Variants in LIMK2 observed in about 807,000 individuals in gnomAD.
LIMK2 encodes LIM domain kinase 2.
LIMK2 carries 35 observed loss-of-function variants against 75.7 expected under a neutral mutation model. The observed-to-expected ratio is 0.46, with a 90% CI of 0.35 to 0.61. The LOEUF is 0.61. Ranked by LOEUF, LIMK2 falls within the 20% of genes least tolerant of loss-of-function variation. LIMK2 has a pLI of 0.00. For synonymous variants in LIMK2, 301 were observed against 319.2 expected, an observed-to-expected ratio of 0.94 and a Z score of 0.61; for missense variants, 623 against 831.0, an observed-to-expected ratio of 0.75 and a Z score of 3.08.
At chr22:31,242,471 C>A (rs1173005884) in intron 2 of LIMK2, among the ~76,000 whole-genome samples, 1 of 152,212 alleles carries the variant, frequency 6.6e-6, no homozygotes, top group Non-Finnish European at 1.5e-5. Flanking sequence ...AGATATTGCA[C>A]CCATTCTCCA....
chr22:31,245,873 T>TA (rs970667247), intron 2 of LIMK2, among the ~76,000 whole-genome samples: 20 of 148,862 alleles, frequency 1.3e-4, no homozygotes, highest in African/African-American at 2.7e-4. Context: ...CTACAAAAAA[T>TA]AAAAAAAAAT....
intron 7 of LIMK2, among the ~76,000 whole-genome samples, chr22:31,264,420 G>A (rs970553695): frequency 2.0e-4 from 31 of 152,340 alleles, no homozygotes; most frequent in African/African-American, 5.8e-4. Flanking sequence ...GAGAAAGTTC[G>A]CAGGGCTGTT....
At position 31,262,559 on chromosome 22, in the gene LIMK2, CAGCCTGTGGG is replaced by C. The variant is rs1568997854; in HGVS notation, c.658-32_658-23del. 3 of 1,574,724 alleles carry C rather than the reference CAGCCTGTGGG, an allele frequency of 1.9e-6. No individual in the cohort carries two copies. The highest frequency in any genetic ancestry group is 2.6e-6 in the Non-Finnish European group (3 of 1,154,580). ...TGGCCATGGGTGGCCTGGGATGGGG[CAGCCTGTGGG>C]AGCTTTATACTGCTCTTGGCCACAG... On this transcript the variant is annotated intron_variant, in intron 6 of 15. Coordinates refer to ENST00000331728, the MANE Select transcript of LIMK2 (RefSeq NM_005569.4). The surrounding 1 kb of genome is among the most constrained non-coding windows in gnomAD (Gnocchi z 5.0).
At chr22:31,225,380 T>G (rs2048469279) in intron 1 of LIMK2, among the ~76,000 whole-genome samples, 2 of 152,138 alleles carry the variant, frequency 1.3e-5, no homozygotes, top group Admixed American at 1.3e-4. Context: ...AGAAGGAGAT[T>G]GTGTTCGTTT....
At chr22:31,222,704 C>A (rs2048446026) in intron 1 of LIMK2, 2 of 151,922 alleles carry the variant, frequency 1.3e-5, no homozygotes, top group South Asian at 2.1e-4. Flanking sequence ...AGAAAAGGAT[C>A]CAGTGGTTTG....
chr22:31,248,758 A>G, intron 2 of LIMK2: 1 of 1,614,164 alleles, frequency 6.2e-7, no homozygotes, highest in Admixed American at 1.7e-5. Context: ...TCACCTCCAG[A>G]GACCTGTTTC....
intron 7 of LIMK2, among the ~76,000 whole-genome samples, chr22:31,265,191 CA>C (rs35356989): frequency 8.4e-4 from 29 of 34,496 alleles, no homozygotes; most frequent in Admixed American, 2.3e-3. Flanking sequence ...GAGACTCCAT[CA>C]AAAAAAAAAA....
At chr22:31,264,247 C>CAG (rs1262667266) in intron 7 of LIMK2, among the ~76,000 whole-genome samples, 1 of 152,114 alleles carries the variant, frequency 6.6e-6, no homozygotes, top group Non-Finnish European at 1.5e-5. Flanking sequence ...AGCCACCATG[C>CAG]AGAGGAGGGG....
At chr22:31,213,527 C>A (rs1214180395) in intron 1 of LIMK2, among the ~76,000 whole-genome samples, 2 of 152,206 alleles carry the variant, frequency 1.3e-5, no homozygotes. Flanking sequence ...CAGTGGGTCA[C>A]TTCCTCAGCA....
At position 31,279,593 on chromosome 22, in the gene LIMK2, A is replaced by G. The variant is rs1284946449; in HGVS notation, c.*1152A>G. 1 of 152,198 alleles carries G rather than the reference A, an allele frequency of 6.6e-6. No homozygotes were observed. Among genetic ancestry groups the G allele is most frequent in the Non-Finnish European group, 1.5e-5 (1 of 68,048 alleles). The allele number at this position is 152,198 out of a possible 1,614,324, so 9.4% of individuals were successfully genotyped here. ...TTAGCTCCTGGGCAGCATCCTCCTG[A>G]GCCACATGTGCAGGTACTGGAAAAC... On this transcript the variant is annotated 3_prime_UTR_variant, in exon 16 of 16. Coordinates refer to ENST00000331728, the MANE Select transcript of LIMK2 (RefSeq NM_005569.4).
intron 2 of LIMK2, among the ~76,000 whole-genome samples, chr22:31,252,277 T>G (rs985908648): frequency 6.6e-6 from 1 of 152,128 alleles, no homozygotes; most frequent in African/African-American, 2.4e-5. Context: ...GCTTGGTGGC[T>G]CCTTCCTGTA....
intron 2 of LIMK2, among the ~76,000 whole-genome samples, chr22:31,240,037 A>G (rs1005319164): frequency 6.6e-6 from 1 of 152,206 alleles, no homozygotes; most frequent in African/African-American, 2.4e-5. Context: ...CTGCAACTGT[A>G]GCAACCTGCT....
At chr22:31,254,467 C>T (rs945550491) in intron 2 of LIMK2, among the ~76,000 whole-genome samples, 3 of 152,208 alleles carry the variant, frequency 2.0e-5, no homozygotes, top group Non-Finnish European at 4.4e-5. Flanking sequence ...TTTGCTCTTC[C>T]AGGTCCTTTG....
At chr22:31,274,978 GT>G (rs2048998453) in intron 14 of LIMK2, among the ~76,000 whole-genome samples, 172 bp from the exon 15 acceptor site, 1 of 152,166 alleles carries the variant, frequency 6.6e-6, no homozygotes. Context: ...GTGGATACAG[GT>G]CTGGATTAGT....
chr22:31,250,491 G>A (rs1444980699), intron 2 of LIMK2, among the ~76,000 whole-genome samples: 2 of 152,136 alleles, frequency 1.3e-5, no homozygotes, highest in African/African-American at 4.8e-5. Context: ...AGGCTTTCTG[G>A]AGAACCTGAT....
At chr22:31,259,747 T>G in intron 4 of LIMK2, 142 bp from the exon 5 acceptor site, 1 of 684,476 alleles carries the variant, frequency 1.5e-6, no homozygotes. Flanking sequence ...CTCCTCATTC[T>G]GAGCAGCCAG....
At chr22:31,223,567 A>G (rs887950975) in intron 1 of LIMK2, among the ~76,000 whole-genome samples, 5 of 152,332 alleles carry the variant, frequency 3.3e-5, no homozygotes, top group Non-Finnish European at 7.4e-5. Context: ...AAGAGTTCCA[A>G]AAATATTTCC....
In LIMK2 at chr22:31,213,417, G is replaced by A. The variant is rs556536995; in HGVS notation, c.16+993G>A. On this transcript the variant is annotated intron_variant, in intron 1 of 15. Transcript: ENST00000331728. ...AGAAGCTTTGGAGAGGCGGCAAGAG[G>A]GTATTGAGGTGGAGGGGGGCTGGCT... Among the ~76,000 whole-genome samples, 10 of 152,302 alleles carry A rather than the reference G, an allele frequency of 6.6e-5. No homozygotes were observed. In the South Asian group the frequency reaches 1.7e-3, roughly 25 times the overall value.
At chr22:31,244,596 GA>G (rs1268185963) in intron 2 of LIMK2, among the ~76,000 whole-genome samples, 4 of 152,100 alleles carry the variant, frequency 2.6e-5, no homozygotes, top group Non-Finnish European at 4.4e-5. Flanking sequence ...GAGACCCAAG[GA>G]AAATAGAGAG....
Sources: allele counts gnomAD v4.1 joint callset (sites outside exome capture counted in the v4.1 genomes callset), GRCh38; gene constraint gnomAD v4.1.1; non-coding constraint Gnocchi (gnomAD v3.1); transcripts MANE v1.5; gene names NCBI Gene and HGNC (gene_info 2026-07-23, HGNC 2026-07-21).